Variants in DNAJC15 observed in about 807,000 individuals in gnomAD.
DNAJC15 encodes the protein DnaJ heat shock protein family (Hsp40) member C15.
A neutral mutation model predicts 22.4 loss-of-function variants in DNAJC15; 27 were observed. The ratio of observed to expected loss-of-function variants is 1.20; its 90% CI spans 0.89 to 1.66. The LOEUF (loss-of-function observed/expected upper bound fraction) is 1.66. Among genes scored for constraint, DNAJC15 ranks in the 40% most tolerant of loss-of-function variants. The pLI, the probability that DNAJC15 is intolerant of heterozygous loss-of-function variation, is 0.00. For synonymous variants in DNAJC15, 79 were observed against 63.2 expected, an observed-to-expected ratio of 1.25 and a Z score of -1.19; for missense variants, 208 against 187.1, an observed-to-expected ratio of 1.11 and a Z score of -0.65.
At chr13:43,089,795 A>G (rs1018518752) in intron 5 of DNAJC15, among the ~76,000 whole-genome samples, 1 of 152,080 alleles carries the variant, frequency 6.6e-6, no homozygotes, top group African/African-American at 2.4e-5. Context: ...TTTTTCTTTC[A>G]TCGTCAATCT....
intron 1 of DNAJC15, among the ~76,000 whole-genome samples, chr13:43,050,926 T>TGCA (rs2040499894): frequency 5.9e-5 from 9 of 152,142 alleles, no homozygotes; most frequent in African/African-American, 2.2e-4. Flanking sequence ...TTTTTTACTC[T>TGCA]AGTGATCTAC....
chr13:43,085,950 G>A (rs979765187), intron 5 of DNAJC15, 112 bp downstream of exon 5: 1 of 915,076 alleles, frequency 1.1e-6, no homozygotes, highest in Non-Finnish European at 1.6e-6. Context: ...TGCGCCACAT[G>A]TATTGTGATT....
intron 5 of DNAJC15, 121 bp downstream of exon 5, chr13:43,085,959 T>G (rs2040686410): frequency 4.9e-6 from 4 of 821,938 alleles, no homozygotes; most frequent in Non-Finnish European, 3.7e-6. Context: ...TGTATTGTGA[T>G]TTTTTTCTCA....
At chr13:43,029,537 T>C (rs2153439368) in intron 1 of DNAJC15, among the ~76,000 whole-genome samples, 1 of 152,232 alleles carries the variant, frequency 6.6e-6, no homozygotes, top group Admixed American at 6.5e-5. Flanking sequence ...TGGTGCCTTT[T>C]TTTTTTTCCC....
intron 1 of DNAJC15, among the ~76,000 whole-genome samples, chr13:43,049,343 G>C (rs1033261465): frequency 3.9e-5 from 6 of 152,118 alleles, no homozygotes; most frequent in Non-Finnish European, 7.4e-5. Context: ...AATAAAAGTC[G>C]AAATACATCT....
chr13:43,110,134 C>T lies in DNAJC15; in HGVS notation c.*2886C>T, dbSNP rs1040820094. The T allele has an allele frequency of 2.6e-5, 4 of 152,204 alleles. No individual in the cohort carries two copies. Among genetic ancestry groups the T allele is most frequent in the Admixed American group, 2.6e-4 (4 of 15,280 alleles). 9.4% of individuals were successfully genotyped at this position (152,204 alleles called of 1,614,324 possible). ...TTGCAGCATTAACAGGCTGGAGGCA[C>T]CACTTCTCTGGCCAGCAAGTTGGGC... On this transcript the variant is annotated 3_prime_UTR_variant, in exon 6 of 6. Transcript: ENST00000379221.
intron 1 of DNAJC15, among the ~76,000 whole-genome samples, chr13:43,041,445 C>T (rs970182599): frequency 6.6e-6 from 1 of 152,186 alleles, no homozygotes; most frequent in African/African-American, 2.4e-5. Context: ...AAAATGGAGT[C>T]TCTTGTGTCT....
At chr13:43,028,563 C>T (rs1365833488) in intron 1 of DNAJC15, among the ~76,000 whole-genome samples, 1 of 152,222 alleles carries the variant, frequency 6.6e-6, no homozygotes, top group Non-Finnish European at 1.5e-5. Context: ...ATGAGTTTAA[C>T]ATGATCTAAA....
At chr13:43,028,465 G>C (rs1304906881) in intron 1 of DNAJC15, among the ~76,000 whole-genome samples, 1 of 152,048 alleles carries the variant, frequency 6.6e-6, no homozygotes, top group East Asian at 1.9e-4. Flanking sequence ...AAGTCTCTTT[G>C]CTTCTGGTAT....
chr13:43,106,251 A>T lies in DNAJC15; in HGVS notation c.383-927A>T, dbSNP rs543180573. Among the ~76,000 whole-genome samples the T allele has an allele frequency of 3.9e-5, 6 of 152,334 alleles. No individual in the cohort carries two copies. In the South Asian group the frequency reaches 1.2e-3, roughly 32 times the overall value. ...TGCACTTAAGGGGAGAATACAAAAT[A>T]AAAAACACAAAGAGACTGGTGAGCT... On this transcript the variant is annotated intron_variant, in intron 5 of 5. Coordinates refer to ENST00000379221, the MANE Select transcript of DNAJC15 (RefSeq NM_013238.3).
intron 1 of DNAJC15, among the ~76,000 whole-genome samples, chr13:43,054,491 T>G (rs937075938): frequency 6.6e-6 from 1 of 152,220 alleles, no homozygotes; most frequent in Non-Finnish European, 1.5e-5. Flanking sequence ...CTAGTTCTGT[T>G]TTGAATGTCT....
At chr13:43,051,686 C>T (rs750515582) in intron 1 of DNAJC15, among the ~76,000 whole-genome samples, 24 of 150,964 alleles carry the variant, frequency 1.6e-4, no homozygotes, top group Non-Finnish European at 2.7e-4. Context: ...TTTCTTTATC[C>T]GCTCTTTGAT....
At chr13:43,034,393 T>G (rs551098928) in intron 1 of DNAJC15, among the ~76,000 whole-genome samples, 5 of 141,638 alleles carry the variant, frequency 3.5e-5, no homozygotes, top group South Asian at 4.9e-4. Context: ...TCGGCTCACT[T>G]CAAGCTCTGC....
chr13:43,039,137 A>T (rs945920717), intron 1 of DNAJC15, among the ~76,000 whole-genome samples: 15 of 152,212 alleles, frequency 9.9e-5, no homozygotes, highest in African/African-American at 3.6e-4. Context: ...GTCTGGAATT[A>T]GGATACCTGG....
At position 43,077,356 on chromosome 13, in the gene DNAJC15, T is replaced by C. The variant is rs117018319; in HGVS notation, c.235-1256T>C. Among the ~76,000 whole-genome samples the C allele has an allele frequency of 5.9e-5, 9 of 152,278 alleles. No individual in the cohort carries two copies. In the East Asian group the frequency reaches 1.5e-3, roughly 26 times the overall value. ...CTTTTATTAAAGAGTGCTCTTAGCATAAACAACTCCAGAAAGAAAGGGAAG... is the reference window on the plus strand; with the variant it reads ...CTTTTATTAAAGAGTGCTCTTAGCACAAACAACTCCAGAAAGAAAGGGAAG... On this transcript the variant is annotated intron_variant, in intron 3 of 5. Coordinates refer to ENST00000379221, the MANE Select transcript of DNAJC15 (RefSeq NM_013238.3).
chr13:43,089,369 C>T (rs796872345), intron 5 of DNAJC15, among the ~76,000 whole-genome samples: 1 of 152,132 alleles, frequency 6.6e-6, no homozygotes, highest in African/African-American at 2.4e-5. Context: ...ATAAGTAAAC[C>T]TATTTCAAGT....
intron 1 of DNAJC15, among the ~76,000 whole-genome samples, chr13:43,049,451 C>CGA (rs1481545989): frequency 6.6e-6 from 1 of 151,840 alleles, no homozygotes; most frequent in Non-Finnish European, 1.5e-5. Context: ...GTTTAGTAAA[C>CGA]GAGAAATAGC....
At chr13:43,032,958 C>G (rs1404353856) in intron 1 of DNAJC15, among the ~76,000 whole-genome samples, 2 of 152,200 alleles carry the variant, frequency 1.3e-5, no homozygotes, top group Non-Finnish European at 2.9e-5. Context: ...GCAAAACTTA[C>G]AATCATGGCA....
At chr13:43,099,801 T>C (rs1472414576) in intron 5 of DNAJC15, among the ~76,000 whole-genome samples, 2 of 147,232 alleles carry the variant, frequency 1.4e-5, no homozygotes, top group Non-Finnish European at 2.9e-5. Context: ...TATATGTTTA[T>C]ATATTCTTTT....
Sources: allele counts gnomAD v4.1 joint callset (sites outside exome capture counted in the v4.1 genomes callset), GRCh38; gene constraint gnomAD v4.1.1; transcripts MANE v1.5; gene names NCBI Gene and HGNC (gene_info 2026-07-23, HGNC 2026-07-21).